NCK1: variants seen among roughly 807,000 people sequenced by gnomAD.
NCK1 encodes NCK adaptor protein 1, also known as SH2/SH3 adapter protein NCK1.
In NCK1, 19 loss-of-function variants were observed where a neutral mutation model predicts 36.6. That is an observed-to-expected ratio of 0.52 (90% CI 0.36 to 0.76). The LOEUF (loss-of-function observed/expected upper bound fraction) is 0.76, where lower values mean the gene tolerates loss of function less well. NCK1 is among the 30% of genes least tolerant of loss of function. The probability of loss-of-function intolerance (pLI) is 0.00; values close to 1 mark genes in which losing one functional copy is unlikely to be tolerated. For missense variants in NCK1, 358 were observed against 445.6 expected (o/e 0.80, Z 1.77); for synonymous variants, 165 against 156.0 (o/e 1.06, Z -0.43).
chr3:136,893,279 G>C (rs1939304985), intron 1 of NCK1, among the ~76,000 whole-genome samples: 1 of 151,088 alleles, frequency 6.6e-6, no homozygotes, highest in Non-Finnish European at 1.5e-5. Flanking sequence ...TCTACTTTCA[G>C]TTCTTTAAGG....
intron 2 of NCK1, among the ~76,000 whole-genome samples, chr3:136,936,181 C>T (rs1940525958): frequency 6.6e-6 from 1 of 151,932 alleles, no homozygotes; most frequent in Non-Finnish European, 1.5e-5. Context: ...GCTGGGATTA[C>T]AGGCACATGC....
At chr3:136,898,718 T>G (rs1235491522) in intron 1 of NCK1, among the ~76,000 whole-genome samples, 1 of 152,196 alleles carries the variant, frequency 6.6e-6, no homozygotes, top group Non-Finnish European at 1.5e-5. Flanking sequence ...GAGATAAAAC[T>G]GAACGGTTAA....
At chr3:136,915,714 A>G (rs1390426023) in intron 1 of NCK1, among the ~76,000 whole-genome samples, 2 of 151,932 alleles carry the variant, frequency 1.3e-5, no homozygotes, top group African/African-American at 2.4e-5. Context: ...TGAAGGTGCC[A>G]AACACTTTTG....
chr3:136,945,162 T>C (rs549053554), intron 2 of NCK1, among the ~76,000 whole-genome samples: 1 of 152,348 alleles, frequency 6.6e-6, no homozygotes, highest in East Asian at 1.9e-4. Context: ...AATTTTATTT[T>C]TATACAGCTC....
At chr3:136,922,643 C>A (rs940971190) in intron 1 of NCK1, among the ~76,000 whole-genome samples, 2 of 152,166 alleles carry the variant, frequency 1.3e-5, no homozygotes, top group Non-Finnish European at 2.9e-5. Context: ...AATACTATTT[C>A]TCCCCTATTA....
At chr3:136,876,989 T>C (rs932972810) in intron 1 of NCK1, among the ~76,000 whole-genome samples, 1 of 152,220 alleles carries the variant, frequency 6.6e-6, no homozygotes, top group Non-Finnish European at 1.5e-5. Flanking sequence ...CTCTGTGTTA[T>C]CATTCTTTCT....
At chr3:136,875,420 T>A (rs1938738373) in intron 1 of NCK1, among the ~76,000 whole-genome samples, 1 of 152,082 alleles carries the variant, frequency 6.6e-6, no homozygotes, top group African/African-American at 2.4e-5. Context: ...CTATGTTGAA[T>A]AGGAGTGGTG....
intron 1 of NCK1, among the ~76,000 whole-genome samples, chr3:136,898,881 G>T (rs1348857009): frequency 6.6e-6 from 1 of 152,204 alleles, no homozygotes; most frequent in Non-Finnish European, 1.5e-5. Flanking sequence ...TTCTTACAAA[G>T]CTCTCATTGA....
chr3:136,867,074 TTC>T (rs1938445044), intron 1 of NCK1, among the ~76,000 whole-genome samples: 1 of 672 alleles, frequency 1.5e-3, no homozygotes, highest in African/African-American at 4.3e-3. Context: ...CTTTCTTTCT[TTC>T]TTTCTTTCTT....
chr3:136,941,549 A>G (rs1035539255), intron 2 of NCK1, among the ~76,000 whole-genome samples: 2 of 152,066 alleles, frequency 1.3e-5, no homozygotes, highest in Non-Finnish European at 2.9e-5. Flanking sequence ...GTTTGAATTA[A>G]TACCAACTTA....
At chr3:136,868,543 A>G (rs1938514678) in intron 1 of NCK1, among the ~76,000 whole-genome samples, 1 of 151,870 alleles carries the variant, frequency 6.6e-6, no homozygotes, top group South Asian at 2.1e-4. Flanking sequence ...GGCCAGGCTG[A>G]TCTCCAACTC....
chr3:136,921,584 G>T (rs1331826093), intron 1 of NCK1, among the ~76,000 whole-genome samples: 2 of 152,156 alleles, frequency 1.3e-5, no homozygotes, highest in African/African-American at 4.8e-5. Context: ...ACTTGTGTTG[G>T]TCCATAACTA....
At chr3:136,887,119 C>T (rs895871912) in intron 1 of NCK1, among the ~76,000 whole-genome samples, 1 of 152,150 alleles carries the variant, frequency 6.6e-6, no homozygotes, top group African/African-American at 2.4e-5. Flanking sequence ...GCTGGGATTA[C>T]AGGTGTGAGC....
intron 1 of NCK1, among the ~76,000 whole-genome samples, chr3:136,890,547 G>C (rs1420015326): frequency 3.9e-5 from 6 of 152,238 alleles, no homozygotes; most frequent in Admixed American, 2.0e-4. Flanking sequence ...AGGACTGCCA[G>C]CACGCTGTCA....
chr3:136,865,337 C>T (rs996647113), intron 1 of NCK1, among the ~76,000 whole-genome samples: 34 of 152,112 alleles, frequency 2.2e-4, no homozygotes, highest in African/African-American at 8.2e-4. Context: ...TGCCCACCTC[C>T]GCCTCCCAAA....
At chr3:136,936,072 G>A (rs924638086) in intron 2 of NCK1, among the ~76,000 whole-genome samples, 17 of 136,162 alleles carry the variant, frequency 1.2e-4, no homozygotes, top group South Asian at 4.7e-4. Context: ...ACAGAGTCTC[G>A]CCCTGTCACA....
intron 1 of NCK1, among the ~76,000 whole-genome samples, chr3:136,884,578 T>G (rs917307729): frequency 4.6e-5 from 7 of 151,818 alleles, no homozygotes; most frequent in Admixed American, 1.3e-4. Flanking sequence ...GTAGCTGGGA[T>G]TAGAGGCGTG....
chr3:136,916,028 G>A (rs1939956296), intron 1 of NCK1, among the ~76,000 whole-genome samples: 1 of 152,068 alleles, frequency 6.6e-6, no homozygotes, highest in Non-Finnish European at 1.5e-5. Flanking sequence ...GCCCGGCCTA[G>A]CCAAACACTT....
chr3:136,873,699 G>C (rs1303419009), intron 1 of NCK1, among the ~76,000 whole-genome samples: 4 of 152,106 alleles, frequency 2.6e-5, no homozygotes, highest in African/African-American at 9.7e-5. Context: ...CTGGTGGGAG[G>C]TAATTGAATC....
Sources: gnomAD v4.1 joint callset for allele counts (sites outside exome capture counted in the v4.1 genomes callset) on GRCh38, gnomAD v4.1.1 for gene constraint, MANE v1.5 for transcripts, NCBI Gene and HGNC (gene_info 2026-07-23, HGNC 2026-07-21) for gene names.